Variants in ATP6V1B1 observed in about 807,000 individuals in gnomAD.
ATP6V1B1 encodes the protein V-type proton ATPase subunit B, kidney isoform.
ATP6V1B1 carries 41 observed loss-of-function variants against 62.1 expected under a neutral mutation model. The ratio of observed to expected loss-of-function variants is 0.66; its 90% CI spans 0.51 to 0.86. The LOEUF (loss-of-function observed/expected upper bound fraction) is 0.86, where lower values mean the gene tolerates loss of function less well. Ranked by LOEUF, ATP6V1B1 falls within the 40% of genes least tolerant of loss-of-function variation. The pLI, the probability that ATP6V1B1 is intolerant of heterozygous loss-of-function variation, is 0.00. For synonymous variants in ATP6V1B1, 253 were observed against 273.4 expected (o/e 0.93, Z 0.74); for missense variants, 651 against 697.5 (o/e 0.93, Z 0.75).
At position 70,965,126 on chromosome 2, in the gene ATP6V1B1, G is replaced by A. The variant is rs960362964; in HGVS notation, c.*5G>A. 1.9e-6 allele frequency: 3 copies of A among 1,607,692 alleles called. No homozygotes were observed. The highest frequency in any genetic ancestry group is 2.2e-5 in the South Asian group (2 of 91,024). ...GCGCCTGACACTGCGCTCTAGCCCC[G>A]CGCGCCGTGGCACCCCAACACCGGC... On this transcript the variant is annotated 3_prime_UTR_variant, in exon 14 of 14. Coordinates refer to ENST00000234396, the MANE Select transcript of ATP6V1B1 (RefSeq NM_001692.4).
chr2:70,939,046 G>C (rs1305765274), intron 1 of ATP6V1B1, among the ~76,000 whole-genome samples: 1 of 152,248 alleles, frequency 6.6e-6, no homozygotes, highest in Non-Finnish European at 1.5e-5. Flanking sequence ...TCCCTCCAGC[G>C]GGATCAGGGA....
intron 4 of ATP6V1B1, 69 bp downstream of exon 4, chr2:70,958,495 C>A: frequency 1.4e-6 from 2 of 1,421,288 alleles, no homozygotes; most frequent in Non-Finnish European, 2.0e-6. Flanking sequence ...TCTGACCAAA[C>A]CCTCAGCACA....
Position 70,959,373 on chromosome 2 carries a change from C to T in ATP6V1B1, c.445+278C>T, listed in dbSNP as rs920968031. Reference sequence around the variant, plus strand: ...TGTCCACAATCCTGAGAATGGGCTGCGGTGCTCTGCCGGCTCTCGTCCATT... The same window carrying T: ...TGTCCACAATCCTGAGAATGGGCTGTGGTGCTCTGCCGGCTCTCGTCCATT... On this transcript the variant is annotated intron_variant, in intron 5 of 13. Coordinates refer to ENST00000234396, the MANE Select transcript of ATP6V1B1 (RefSeq NM_001692.4). This position sits in a 1 kb window ranked among gnomAD's most constrained non-coding sequence, Gnocchi z 4.2. Among the ~76,000 whole-genome samples, 4 of 152,244 alleles carry T rather than the reference C, an allele frequency of 2.6e-5. No individual in the cohort carries two copies. The highest frequency in any genetic ancestry group is 4.4e-5 in the Non-Finnish European group (3 of 68,034).
At chr2:70,942,591 C>T (rs114068231) in intron 1 of ATP6V1B1, among the ~76,000 whole-genome samples, 34 of 152,302 alleles carry the variant, frequency 2.2e-4, no homozygotes, top group African/African-American at 8.2e-4. Context: ...CCAGTGTGGT[C>T]CAGCAAGAAG....
At chr2:70,936,249 C>T (rs1553415372) in intron 1 of ATP6V1B1, among the ~76,000 whole-genome samples, 177 bp downstream of exon 1, 1 of 152,134 alleles carries the variant, frequency 6.6e-6, no homozygotes, top group East Asian at 1.9e-4. Flanking sequence ...CCAGAGGCCA[C>T]CTCTGCAGGT....
At chr2:70,951,908 GATAAATAAAA>G (rs2104817866) in intron 2 of ATP6V1B1, among the ~76,000 whole-genome samples, 1 of 151,714 alleles carries the variant, frequency 6.6e-6, no homozygotes, top group East Asian at 1.9e-4. Flanking sequence ...AAAAAAAAAA[GATAAATAAAA>G]ATAAATAGAA....
At position 70,960,998 on chromosome 2, in the gene ATP6V1B1, C is replaced by A; in HGVS notation, c.663C>A (p.Phe221Leu). 3 of 1,597,738 alleles carry A rather than the reference C, an allele frequency of 1.9e-6. No homozygotes were observed. The highest frequency in any genetic ancestry group is 2.6e-6 in the Non-Finnish European group (3 of 1,172,278). ...TGCTGGATTACCATGACGACAACTT[C>A]GCCATCGTCTTTGCAGCCATGGGGG... ...KAVLDYHDDN[F>L]AIVFAAMGVN... Residue 221 changes from phenylalanine (F) to leucine (L), a missense_variant, in exon 7 of 14, where the codon TTC becomes TTA. Coordinates refer to ENST00000234396, the MANE Select transcript of ATP6V1B1 (RefSeq NM_001692.4).
chr2:70,962,837 G>A lies in ATP6V1B1; in HGVS notation c.846G>A (p.Gln282=). The stretch of plus-strand genomic sequence containing the variant: ...CCACTGCTGAATTCCTTGCCTACCA[G>A]TGTGAGAAGCATGTGCTGGTCATAC... The part of the protein sequence containing the change: ...ALTTAEFLAY[Q]CEKHVLVILT... The change falls in exon 9 of 14, where the codon CAG becomes CAA. Residue 282 remains glutamine (Q), a synonymous_variant. Coordinates refer to ENST00000234396, the MANE Select transcript of ATP6V1B1 (RefSeq NM_001692.4). The A allele has an allele frequency of 6.2e-7, 1 of 1,614,192 alleles. No individual in the cohort carries two copies. The highest frequency in any genetic ancestry group is 8.5e-7 in the Non-Finnish European group (1 of 1,180,036).
rs1486498664 is a variant in ATP6V1B1 at position 70,959,986 on chromosome 2, C to G, written c.493C>G (p.Gln165Glu). The G allele has an allele frequency of 1.2e-6, 2 of 1,614,124 alleles. No homozygotes were observed. Among genetic ancestry groups the G allele is most frequent in the Non-Finnish European group, 1.7e-6 (2 of 1,180,050 alleles). ...HSRIYPEEMI[Q>E]TGISPIDVMN... ...CCGCATCTACCCCGAGGAGATGATT[C>G]AGACGGGCATTTCTCCTATTGACGT... The change falls in exon 6 of 14, where the codon CAG (glutamine) becomes GAG (glutamate). Residue 165 changes from glutamine to glutamate, a missense_variant. Transcript: ENST00000234396. This position sits in a 1 kb window ranked among gnomAD's most constrained non-coding sequence, Gnocchi z 4.2.
chr2:70,959,912 C>T lies in ATP6V1B1; in HGVS notation c.446-27C>T. On this transcript the variant is annotated intron_variant, in intron 5 of 13. Coordinates refer to ENST00000234396, the MANE Select transcript of ATP6V1B1 (RefSeq NM_001692.4). This position sits in a 1 kb window ranked among gnomAD's most constrained non-coding sequence, Gnocchi z 4.2. ...GCAGGGAAGGGTTTGAACCCCTGAGCATGGCTCTGTGATCGCCCTCTCCCA... is the reference window on the plus strand; with the variant it reads ...GCAGGGAAGGGTTTGAACCCCTGAGTATGGCTCTGTGATCGCCCTCTCCCA... 2.5e-6 allele frequency: 4 copies of T among 1,614,090 alleles called. No individual in the cohort carries two copies. The highest frequency in any genetic ancestry group is 3.4e-6 in the Non-Finnish European group (4 of 1,180,020).
intron 2 of ATP6V1B1, among the ~76,000 whole-genome samples, chr2:70,952,919 G>A (rs950813357): frequency 1.1e-4 from 17 of 152,112 alleles, no homozygotes; most frequent in Admixed American, 5.9e-4. Flanking sequence ...AATTTTAAAC[G>A]GAATGCTTTA....
chr2:70,961,117 C>A, intron 7 of ATP6V1B1, 95 bp downstream of exon 7: 1 of 1,323,830 alleles, frequency 7.6e-7, no homozygotes, highest in Non-Finnish European at 1.1e-6. Flanking sequence ...ATGGGGAAGC[C>A]ATCAGTGTCC....
chr2:70,953,378 T>A (rs1680363360), intron 2 of ATP6V1B1, among the ~76,000 whole-genome samples: 2 of 152,154 alleles, frequency 1.3e-5, no homozygotes, highest in African/African-American at 2.4e-5. Context: ...CATGGATGGG[T>A]TTTTTTGACT....
At chr2:70,954,199 T>C (rs782782508) in intron 2 of ATP6V1B1, among the ~76,000 whole-genome samples, 59 of 152,238 alleles carry the variant, frequency 3.9e-4, no homozygotes, top group Non-Finnish European at 6.9e-4. Context: ...TCACATTGCA[T>C]ACTTTTAGCT....
intron 1 of ATP6V1B1, among the ~76,000 whole-genome samples, chr2:70,938,261 G>T (rs1315116180): frequency 1.3e-5 from 2 of 152,162 alleles, no homozygotes; most frequent in African/African-American, 2.4e-5. Flanking sequence ...GGAGGGATGA[G>T]GGGGGTGGTT....
At chr2:70,957,465 G>A (rs1341046366) in intron 2 of ATP6V1B1, among the ~76,000 whole-genome samples, 2 of 152,096 alleles carry the variant, frequency 1.3e-5, no homozygotes, top group Non-Finnish European at 2.9e-5. Context: ...GAAGGACTGC[G>A]TGAGTCAATT....
Position 70,959,816 on chromosome 2 carries a change from C to T in ATP6V1B1, c.446-123C>T. ...GCTACATCAGGCAGCACGGCCAGAG[C>T]ACGTTTCTATCATCACAGAAAGTTC... On this transcript the variant is annotated intron_variant, in intron 5 of 13. Coordinates refer to ENST00000234396, the MANE Select transcript of ATP6V1B1 (RefSeq NM_001692.4). This position sits in a 1 kb window ranked among gnomAD's most constrained non-coding sequence, Gnocchi z 4.2. 6.9e-7 allele frequency: 1 copy of T among 1,448,762 alleles called. No homozygotes were observed. The highest frequency in any genetic ancestry group is 9.6e-7 in the Non-Finnish European group (1 of 1,044,336). 89.7% of individuals were successfully genotyped at this position (1,448,762 alleles called of 1,614,324 possible).
At chr2:70,958,929 TG>T in intron 4 of ATP6V1B1, 88 bp from the exon 5 acceptor site, 1 of 1,298,266 alleles carries the variant, frequency 7.7e-7, no homozygotes, top group Non-Finnish European at 1.1e-6. Flanking sequence ...GGGGAGTGGG[TG>T]GGAGCTGGTG....
At chr2:70,945,713 T>G (rs797028394) in intron 2 of ATP6V1B1, among the ~76,000 whole-genome samples, 9,507 of 118,888 alleles carry the variant, frequency 0.08, 671 homozygotes, top group South Asian at 0.17. Context: ...TATATATATA[T>G]ATATATATAT....
Sources: allele counts gnomAD v4.1 joint callset (sites outside exome capture counted in the v4.1 genomes callset), GRCh38; gene constraint gnomAD v4.1.1; non-coding constraint Gnocchi (gnomAD v3.1); transcripts MANE v1.5; gene names NCBI Gene and HGNC (gene_info 2026-07-23, HGNC 2026-07-21).